LIN28B: variants seen among roughly 807,000 people sequenced by gnomAD.
LIN28B encodes the protein protein lin-28 homolog B.
LIN28B carries 5 observed loss-of-function variants against 21.9 expected under a neutral mutation model. The ratio of observed to expected loss-of-function variants is 0.23; its 90% confidence interval spans 0.12 to 0.48. The LOEUF is 0.48. Ranked by LOEUF, LIN28B falls within the 20% of genes least tolerant of loss-of-function variation. LIN28B has a pLI of 0.98. For missense variants in LIN28B, 245 were observed against 310.5 expected (o/e 0.79, Z 1.58); for synonymous variants, 109 against 111.3 (o/e 0.98, Z 0.13).
intron 2 of LIN28B, among the ~76,000 whole-genome samples, chr6:105,003,987 C>T (rs1201117017): frequency 6.6e-6 from 1 of 151,912 alleles, no homozygotes; most frequent in Non-Finnish European, 1.5e-5. Context: ...TCACAAGGTC[C>T]CACAATAGGC....
intron 3 of LIN28B, among the ~76,000 whole-genome samples, chr6:105,044,682 G>A (rs1771709365): frequency 6.6e-6 from 1 of 151,992 alleles, no homozygotes; most frequent in African/African-American, 2.4e-5. Context: ...TACAGTCATT[G>A]GAAATTACTG....
At chr6:104,941,715 G>A (rs978585476) in intron 2 of LIN28B, among the ~76,000 whole-genome samples, 1 of 152,168 alleles carries the variant, frequency 6.6e-6, no homozygotes, top group African/African-American at 2.4e-5. Context: ...TGAAAAGAAC[G>A]GGGAAGAACG....
chr6:105,024,270 G>A (rs1443566740), intron 2 of LIN28B, among the ~76,000 whole-genome samples: 1 of 152,124 alleles, frequency 6.6e-6, no homozygotes, highest in Non-Finnish European at 1.5e-5. Flanking sequence ...GGGATTACAG[G>A]TGTGAGCTAC....
chr6:104,985,534 T>A (rs974951072), intron 2 of LIN28B, among the ~76,000 whole-genome samples: 1 of 152,210 alleles, frequency 6.6e-6, no homozygotes, highest in African/African-American at 2.4e-5. Flanking sequence ...TTTTTATATA[T>A]TTGTTCAGCA....
upstream of LIN28B, among the ~76,000 whole-genome samples, chr6:104,952,163 T>C (rs1778227877): frequency 6.6e-6 from 1 of 152,220 alleles, no homozygotes; most frequent in South Asian, 2.1e-4. Flanking sequence ...TTTTATTCAT[T>C]GCTTGAGGGA....
intron 3 of LIN28B, among the ~76,000 whole-genome samples, chr6:105,074,436 G>A (rs1281426351): frequency 2.6e-5 from 4 of 152,170 alleles, no homozygotes; most frequent in Non-Finnish European, 5.9e-5. Flanking sequence ...CTGACCTCGT[G>A]ATCTGCCCAC....
rs530195391 is a variant in LIN28B, at chr6:105,011,518, C to T, written c.199-14780C>T. On this transcript the variant is annotated intron_variant, in intron 2 of 3. Transcript: ENST00000345080. The stretch of plus-strand genomic sequence containing the variant: ...AGTGTTCCTCTCTTGTTAATGCAAC[C>T]CTCTGGGTGTATAGGTCTCATCTGA... Among the ~76,000 whole-genome samples, 12 of 152,274 alleles carry T rather than the reference C, an allele frequency of 7.9e-5. No homozygotes were observed. In the East Asian group the frequency reaches 2.3e-3, roughly 29 times the overall value.
intron 2 of LIN28B, among the ~76,000 whole-genome samples, chr6:104,987,141 A>G (rs1770363857): frequency 6.6e-6 from 1 of 152,146 alleles, no homozygotes; most frequent in South Asian, 2.1e-4. Context: ...AATTTCTCTG[A>G]GAGATGTTTT....
intron 2 of LIN28B, among the ~76,000 whole-genome samples, chr6:104,979,657 A>G (rs754275193): frequency 2.0e-5 from 3 of 152,154 alleles, no homozygotes; most frequent in Non-Finnish European, 4.4e-5. Flanking sequence ...TTATACAAAT[A>G]GGGAAATTAA....
At chr6:105,056,761 A>G (rs1562109197) in intron 3 of LIN28B, among the ~76,000 whole-genome samples, 1 of 152,132 alleles carries the variant, frequency 6.6e-6, no homozygotes, top group Non-Finnish European at 1.5e-5. Context: ...AAGAATTCCA[A>G]CTGCTTTAGA....
At chr6:105,071,906 A>T (rs1225154458) in intron 3 of LIN28B, among the ~76,000 whole-genome samples, 1 of 152,222 alleles carries the variant, frequency 6.6e-6, no homozygotes, top group Non-Finnish European at 1.5e-5. Context: ...ACAAATTTTT[A>T]GACCAAGTTT....
At chr6:104,951,063 C>T (rs1427486909) in intron 3 of LIN28B, among the ~76,000 whole-genome samples, 1 of 152,024 alleles carries the variant, frequency 6.6e-6, no homozygotes, top group African/African-American at 2.4e-5. Flanking sequence ...TTTCATATGA[C>T]AAAGCTGAGT....
At chr6:104,983,650 C>T (rs1304718363) in intron 2 of LIN28B, among the ~76,000 whole-genome samples, 3 of 152,120 alleles carry the variant, frequency 2.0e-5, no homozygotes, top group Non-Finnish European at 2.9e-5. Flanking sequence ...TATCTCGGCT[C>T]GCTGCAACCT....
intron 2 of LIN28B, among the ~76,000 whole-genome samples, chr6:104,975,496 A>C (rs1462441892): frequency 6.6e-6 from 1 of 152,154 alleles, no homozygotes; most frequent in Non-Finnish European, 1.5e-5. Flanking sequence ...CACTGGTTTA[A>C]CTTCTCTCTA....
intron 3 of LIN28B, among the ~76,000 whole-genome samples, chr6:105,050,290 G>A (rs1169400217): frequency 6.6e-6 from 1 of 152,086 alleles, no homozygotes; most frequent in Non-Finnish European, 1.5e-5. Flanking sequence ...TGAAATTCTG[G>A]GTTGAAAATT....
At chr6:104,974,750 TAAAA>T (rs930560622) in intron 2 of LIN28B, among the ~76,000 whole-genome samples, 1 of 151,600 alleles carries the variant, frequency 6.6e-6, no homozygotes, top group Non-Finnish European at 1.5e-5. Context: ...ATATGAAAGA[TAAAA>T]AAAATAAATA....
intron 2 of LIN28B, among the ~76,000 whole-genome samples, chr6:104,994,013 A>ATG (rs1770547944): frequency 6.6e-6 from 1 of 151,548 alleles, no homozygotes; most frequent in Admixed American, 6.6e-5. Flanking sequence ...AAATATATAT[A>ATG]TATATTTTTG....
intron 3 of LIN28B, among the ~76,000 whole-genome samples, chr6:105,029,474 G>T (rs531561671): frequency 6.6e-6 from 1 of 152,286 alleles, no homozygotes; most frequent in African/African-American, 2.4e-5. Context: ...ACAGATGCAG[G>T]TGGTAGATAG....
intron 3 of LIN28B, among the ~76,000 whole-genome samples, chr6:105,043,926 A>G (rs1249195417): frequency 1.3e-5 from 2 of 152,058 alleles, no homozygotes; most frequent in Non-Finnish European, 2.9e-5. Flanking sequence ...TAGTTTTTCA[A>G]TATATTCATG....
Sources: allele counts gnomAD v4.1 joint callset (sites outside exome capture counted in the v4.1 genomes callset), GRCh38; gene constraint gnomAD v4.1.1; transcripts MANE v1.5; gene names NCBI Gene and HGNC (gene_info 2026-07-23, HGNC 2026-07-21).